The following WDR53 variants were observed in gnomAD, a reference collection of about 807,000 sequenced individuals.
The protein encoded by WDR53 is WD repeat-containing protein 53.
In WDR53, 19 loss-of-function variants were observed where a neutral mutation model predicts 21.3. That is an observed-to-expected ratio of 0.89 (90% CI 0.62 to 1.31). The LOEUF (loss-of-function observed/expected upper bound fraction) is 1.31. Among genes scored for constraint, WDR53 ranks in the 50% most tolerant of loss-of-function variants. The pLI is 0.00. For missense variants in WDR53, 374 were observed against 423.2 expected (o/e 0.88, Z 1.02); for synonymous variants, 157 against 163.4 (o/e 0.96, Z 0.30).
At chr3:196,567,447 AAG>A (rs1204173251) in intron 1 of WDR53, 140 bp from the exon 2 acceptor site, 1 of 347,788 alleles carries the variant, frequency 2.9e-6, no homozygotes, top group African/African-American at 2.1e-5. Flanking sequence ...ACTAGAGACT[AAG>A]AAATGGATTA....
chr3:196,566,682 G>A (rs962407766), intron 2 of WDR53, among the ~76,000 whole-genome samples, 195 bp downstream of exon 2: 4 of 152,310 alleles, frequency 2.6e-5, no homozygotes, highest in East Asian at 1.9e-4. Flanking sequence ...CCAAAGTGCT[G>A]GGATTCCAGG....
In WDR53 at chr3:196,554,391, AC is replaced by A; in HGVS notation, c.896del (p.Gly299ValfsTer8). ...CTGTTACTGAAGCGTTAGTATTTCC[AC>A]CCTGCTTGGTGCAAGTTCCTCTTTT... is the stretch of plus-strand genomic sequence containing the variant. ...KPKRGTCTKQGGNTNASVTDE... is the reference protein window; with the variant it reads ...KPKRGTCTKQXGNTNASVTDE... On this transcript the variant is annotated frameshift_variant, in exon 4 of 4. Transcript: ENST00000332629. LOFTEE classifies it high-confidence loss of function. 4 of 1,614,050 alleles carry A rather than the reference AC, an allele frequency of 2.5e-6. No homozygotes were observed. Among genetic ancestry groups the A allele is most frequent in the Non-Finnish European group, 3.4e-6 (4 of 1,180,018 alleles).
intron 2 of WDR53, among the ~76,000 whole-genome samples, chr3:196,564,580 C>G: frequency 6.6e-6 from 1 of 151,638 alleles, no homozygotes; most frequent in Non-Finnish European, 1.5e-5. Flanking sequence ...CCAGGCTGTT[C>G]TTGAACTCCT....
intron 3 of WDR53, among the ~76,000 whole-genome samples, chr3:196,557,569 C>T (rs1223076848): frequency 1.3e-5 from 2 of 152,050 alleles, no homozygotes; most frequent in Non-Finnish European, 2.9e-5. Flanking sequence ...CCTTCTCTAC[C>T]ATCCTGGTCT....
rs1193082126 is a variant in WDR53 at position 196,554,666 on chromosome 3, A to T, written c.622T>A (p.Cys208Ser). 2 of 1,614,108 alleles carry T rather than the reference A, an allele frequency of 1.2e-6. No homozygotes were observed. Among genetic ancestry groups the T allele is most frequent in the Admixed American group, 3.3e-5 (2 of 60,006 alleles). ...GCACCACAACTAAAAATATTACCAC[A>T]CGAAGCCACAGAGATAGAATGGGCT... ...ALAHSISVAS[C>S]GNIFSCGAED... Residue 208 changes from cysteine to serine, a missense_variant, in exon 4 of 4, where the codon TGT becomes AGT. Coordinates refer to ENST00000332629, the MANE Select transcript of WDR53 (RefSeq NM_182627.3).
rs1285989106 is a variant in WDR53, at chr3:196,567,155, T to C, written c.-295A>G. 2.2e-6 allele frequency: 1 copy of C among 457,184 alleles called. No homozygotes were observed. The highest frequency in any genetic ancestry group is 2.3e-5 in the Admixed American group (1 of 42,584). The allele number at this position is 457,184 out of a possible 1,614,324, so 28.3% of individuals were successfully genotyped here. On this transcript the variant is annotated 5_prime_UTR_variant, in exon 2 of 4. Coordinates refer to ENST00000332629, the MANE Select transcript of WDR53 (RefSeq NM_182627.3). ...TCAGATGGATCAACTCTGCTTATCC[T>C]TGAAGACTTCAAAGAAATTAGTGAG...
chr3:196,558,318 C>CTG (rs1734524765), intron 3 of WDR53, among the ~76,000 whole-genome samples: 1 of 152,056 alleles, frequency 6.6e-6, no homozygotes, highest in Non-Finnish European at 1.5e-5. Flanking sequence ...GTGATCCTCC[C>CTG]ACGTCAACTT....
intron 3 of WDR53, among the ~76,000 whole-genome samples, chr3:196,556,191 G>A (rs553076706): frequency 2.6e-5 from 4 of 152,028 alleles, no homozygotes; most frequent in Non-Finnish European, 2.9e-5. Flanking sequence ...GACTACAGGC[G>A]CATGCTACCA....
chr3:196,567,573 T>A (rs1367728303), intron 1 of WDR53, among the ~76,000 whole-genome samples: 1 of 152,196 alleles, frequency 6.6e-6, no homozygotes, highest in African/African-American at 2.4e-5. Flanking sequence ...CTCATGGAGT[T>A]GTTTTGAGGA....
intron 3 of WDR53, among the ~76,000 whole-genome samples, chr3:196,557,779 C>CT (rs1433906537): frequency 1.2e-3 from 151 of 127,878 alleles, no homozygotes; most frequent in African/African-American, 3.9e-3. Flanking sequence ...AATTTTTTTT[C>CT]TTTTCTTTTT....
chr3:196,561,761 T>C (rs867713903), intron 2 of WDR53, among the ~76,000 whole-genome samples: 34 of 152,100 alleles, frequency 2.2e-4, no homozygotes, highest in African/African-American at 7.7e-4. Context: ...GTCTTTCATA[T>C]GGAACCCACA....
chr3:196,558,419 CT>C (rs1275140856), intron 3 of WDR53, among the ~76,000 whole-genome samples: 6 of 152,124 alleles, frequency 3.9e-5, no homozygotes, highest in Non-Finnish European at 8.8e-5. Flanking sequence ...GTTGTCCAGG[CT>C]GGTCTCGAAC....
intron 2 of WDR53, among the ~76,000 whole-genome samples, chr3:196,562,038 T>C (rs1734922823): frequency 6.6e-6 from 1 of 152,236 alleles, no homozygotes; most frequent in African/African-American, 2.4e-5. Context: ...TGATACATAA[T>C]GAATCCTCAA....
intron 2 of WDR53, among the ~76,000 whole-genome samples, chr3:196,565,970 A>G (rs74977288): frequency 7.8e-4 from 119 of 152,354 alleles, no homozygotes; most frequent in African/African-American, 2.8e-3. Context: ...GGAGTTGCCT[A>G]AAGCGTTAAG....
chr3:196,566,093 T>TCG (rs1232017648), intron 2 of WDR53, among the ~76,000 whole-genome samples: 2 of 152,152 alleles, frequency 1.3e-5, no homozygotes, highest in Admixed American at 1.3e-4. Context: ...GAGTTTTTTC[T>TCG]TGTGTTTTTT....
At chr3:196,566,181 C>T (rs565154555) in intron 2 of WDR53, among the ~76,000 whole-genome samples, 1 of 152,042 alleles carries the variant, frequency 6.6e-6, no homozygotes, top group South Asian at 2.1e-4. Flanking sequence ...CTTCCACCTT[C>T]GGGGCTCAAG....
intron 3 of WDR53, among the ~76,000 whole-genome samples, chr3:196,557,904 A>G (rs1734481717): frequency 1.3e-5 from 2 of 151,506 alleles, no homozygotes; most frequent in East Asian, 1.9e-4. Flanking sequence ...CAGCCCCCCA[A>G]GTAGCTGGGA....
rs1734181890 is a variant in WDR53, at chr3:196,554,753, C to T, written c.535G>A (p.Glu179Lys). Reference sequence around the variant, plus strand: ...CCTTCCATTTCTTCTGTTTCATCCTCCTGTAAATTTGTAATCCAGAGTGGT... The same window carrying T: ...CCTTCCATTTCTTCTGTTTCATCCTTCTGTAAATTTGTAATCCAGAGTGGT... ...ARPLWITNLQ[E>K]DETEEMEGPQ... Residue 179 changes from glutamate to lysine, a missense_variant, in exon 4 of 4, where the codon GAG (glutamate) becomes AAG (lysine). Glu to Lys is a moderately conservative substitution (Grantham distance 56). Transcript: ENST00000332629. The T allele has an allele frequency of 1.9e-6, 3 of 1,614,126 alleles. No homozygotes were observed. The highest frequency in any genetic ancestry group is 1.3e-5 in the African/African-American group (1 of 75,020).
At chr3:196,557,294 A>T (rs1303468514) in intron 3 of WDR53, among the ~76,000 whole-genome samples, 2 of 152,238 alleles carry the variant, frequency 1.3e-5, no homozygotes, top group African/African-American at 2.4e-5. Context: ...CTATAATCCC[A>T]GCACTTTGGG....
Sources: gnomAD v4.1 joint callset for allele counts (sites outside exome capture counted in the v4.1 genomes callset) on GRCh38, gnomAD v4.1.1 for gene constraint, MANE v1.5 for transcripts, NCBI Gene and HGNC (gene_info 2026-07-23, HGNC 2026-07-21) for gene names.